CNTN5: variants seen among roughly 807,000 people sequenced by gnomAD.
The protein encoded by CNTN5 is contactin 5.
Under a neutral mutation model 129.1 loss-of-function variants are expected in CNTN5, and 77 were observed. That is an observed-to-expected ratio of 0.60 (90% CI 0.50 to 0.72). The LOEUF (loss-of-function observed/expected upper bound fraction) is 0.72. CNTN5 is among the 30% of genes least tolerant of loss of function. The pLI is 0.00. For synonymous variants in CNTN5, 509 were observed against 465.6 expected (o/e 1.09, Z -1.20); for missense variants, 1,478 against 1,328.8 (o/e 1.11, Z -1.75).
intron 7 of CNTN5, among the ~76,000 whole-genome samples, chr11:99,928,584 C>A (rs188837829): frequency 5.7e-4 from 87 of 152,330 alleles, no homozygotes; most frequent in Non-Finnish European, 1.0e-3. Context: ...ATGGCTTGAA[C>A]TTTACCTTGG....
intron 13 of CNTN5, among the ~76,000 whole-genome samples, chr11:100,109,167 C>A (rs1459962515): frequency 6.6e-6 from 1 of 152,182 alleles, no homozygotes; most frequent in East Asian, 1.9e-4. Flanking sequence ...AGTGCTCACT[C>A]CTGTCATCCC....
chr11:99,682,462 T>C (rs116045414), intron 3 of CNTN5, among the ~76,000 whole-genome samples: 44 of 152,024 alleles, frequency 2.9e-4, no homozygotes, highest in African/African-American at 1.0e-3. Context: ...CTATATAAAC[T>C]ATAAATACAA....
chr11:99,148,109 T>C (rs985618726), intron 1 of CNTN5, among the ~76,000 whole-genome samples: 1 of 152,112 alleles, frequency 6.6e-6, no homozygotes, highest in African/African-American at 2.4e-5. Flanking sequence ...ATGTAGTCTT[T>C]TATGCGCCCT....
chr11:100,005,876 C>G (rs1940159334), intron 9 of CNTN5, among the ~76,000 whole-genome samples: 1 of 152,058 alleles, frequency 6.6e-6, no homozygotes, highest in Non-Finnish European at 1.5e-5. Flanking sequence ...TTACCTGTTC[C>G]CAGCCTTAGC....
chr11:99,029,321 C>T (rs1863252340), intron 1 of CNTN5, among the ~76,000 whole-genome samples: 1 of 151,628 alleles, frequency 6.6e-6, no homozygotes, highest in African/African-American at 2.4e-5. Context: ...TGTATCTCAT[C>T]TTTTATTCAA....
At chr11:99,856,136 G>A (rs1004030684) in intron 6 of CNTN5, among the ~76,000 whole-genome samples, 4 of 152,150 alleles carry the variant, frequency 2.6e-5, no homozygotes, top group African/African-American at 9.7e-5. Flanking sequence ...CATGGCCTCA[G>A]TTCCTAGGTG....
At chr11:100,217,609 G>T (rs1257183093) in intron 15 of CNTN5, among the ~76,000 whole-genome samples, 1 of 152,008 alleles carries the variant, frequency 6.6e-6, no homozygotes, top group African/African-American at 2.4e-5. Context: ...TTCAATGAGA[G>T]GTATTTTATG....
chr11:99,954,462 C>T (rs1024126308), intron 7 of CNTN5, among the ~76,000 whole-genome samples: 2 of 152,106 alleles, frequency 1.3e-5, no homozygotes, highest in East Asian at 1.9e-4. Flanking sequence ...CGAATAAGAT[C>T]GGCATGCATT....
At chr11:99,700,177 ACAT>A (rs1252392397) in intron 3 of CNTN5, among the ~76,000 whole-genome samples, 1 of 151,452 alleles carries the variant, frequency 6.6e-6, no homozygotes, top group East Asian at 1.9e-4. Flanking sequence ...AAACGTTATA[ACAT>A]CATAATGTTC....
intron 3 of CNTN5, among the ~76,000 whole-genome samples, chr11:99,633,267 C>G (rs1371257487): frequency 6.6e-6 from 1 of 152,146 alleles, no homozygotes; most frequent in Non-Finnish European, 1.5e-5. Context: ...CACAAAGTGT[C>G]CTATTTTTAA....
chr11:99,864,569 G>T (rs572548857), intron 6 of CNTN5, among the ~76,000 whole-genome samples: 1 of 152,144 alleles, frequency 6.6e-6, no homozygotes, highest in South Asian at 2.1e-4. Context: ...CAGCTGCCTG[G>T]CATGCTGATT....
At chr11:99,076,514 G>A (rs1439674061) in intron 1 of CNTN5, among the ~76,000 whole-genome samples, 1 of 151,918 alleles carries the variant, frequency 6.6e-6, no homozygotes, top group Non-Finnish European at 1.5e-5. Flanking sequence ...GGTAATAACT[G>A]ATATGTGAAA....
intron 3 of CNTN5, among the ~76,000 whole-genome samples, chr11:99,755,941 G>T (rs1302658452): frequency 6.6e-6 from 1 of 151,970 alleles, no homozygotes; most frequent in Admixed American, 6.6e-5. Context: ...CTTTTAAAAA[G>T]ATTTTGTTTT....
At chr11:99,091,618 A>C (rs1008964920) in intron 1 of CNTN5, among the ~76,000 whole-genome samples, 67 of 152,208 alleles carry the variant, frequency 4.4e-4, no homozygotes, top group African/African-American at 1.5e-3. Flanking sequence ...GTTGTCTATC[A>C]GGAGCTGAAA....
intron 2 of CNTN5, among the ~76,000 whole-genome samples, chr11:99,448,511 A>C (rs1020287013): frequency 6.6e-6 from 1 of 152,090 alleles, no homozygotes; most frequent in Non-Finnish European, 1.5e-5. Flanking sequence ...TATAAACATT[A>C]CATTATTTAT....
At chr11:99,984,756 T>G (rs1003996955) in intron 8 of CNTN5, among the ~76,000 whole-genome samples, 3 of 152,180 alleles carry the variant, frequency 2.0e-5, no homozygotes, top group African/African-American at 7.2e-5. Flanking sequence ...TCCTATTACA[T>G]GGAATGTTGC....
intron 3 of CNTN5, among the ~76,000 whole-genome samples, chr11:99,643,299 A>C (rs1314845851): frequency 6.6e-6 from 1 of 152,160 alleles, no homozygotes; most frequent in Non-Finnish European, 1.5e-5. Flanking sequence ...TTCTTTATAT[A>C]ATACACATGC....
chr11:99,700,601 T>C (rs1484033189), intron 3 of CNTN5, among the ~76,000 whole-genome samples: 1 of 151,418 alleles, frequency 6.6e-6, no homozygotes. Flanking sequence ...TTTTTGTTCT[T>C]ATGCTTCACA....
intron 2 of CNTN5, 113 bp from the exon 3 acceptor site, chr11:99,556,032 C>T: frequency 2.3e-6 from 1 of 438,248 alleles, no homozygotes; most frequent in Non-Finnish European, 4.1e-6. Flanking sequence ...CTGACCTTTG[C>T]ACTAATGGTT....
Sources: allele counts gnomAD v4.1 joint callset (sites outside exome capture counted in the v4.1 genomes callset), GRCh38; gene constraint gnomAD v4.1.1; transcripts MANE v1.5; gene names NCBI Gene and HGNC (gene_info 2026-07-23, HGNC 2026-07-21).